Variants in POU6F2 observed in about 807,000 individuals in gnomAD.
POU6F2 encodes POU domain, class 6, transcription factor 2.
In POU6F2, 31 loss-of-function variants were observed where a neutral mutation model predicts 71.3. The ratio of observed to expected loss-of-function variants is 0.43; its 90% CI spans 0.33 to 0.59. The LOEUF (loss-of-function observed/expected upper bound fraction) is 0.59, where lower values mean the gene tolerates loss of function less well. POU6F2 is among the 20% of genes least tolerant of loss of function. The pLI, the probability that POU6F2 is intolerant of heterozygous loss-of-function variation, is 0.04. For synonymous variants in POU6F2, 347 were observed against 355.7 expected, an observed-to-expected ratio of 0.98 and a Z score of 0.27; for missense variants, 783 against 856.8, an observed-to-expected ratio of 0.91 and a Z score of 1.07.
intron 1 of POU6F2, among the ~76,000 whole-genome samples, chr7:39,068,507 A>AT: frequency 4.7e-5 from 7 of 149,086 alleles, no homozygotes; most frequent in African/African-American, 1.2e-4. Flanking sequence ...ATATATATAT[A>AT]ATTTTCATAA....
At chr7:39,215,120 C>T (rs1343921030) in intron 4 of POU6F2, among the ~76,000 whole-genome samples, 1 of 152,032 alleles carries the variant, frequency 6.6e-6, no homozygotes, top group Non-Finnish European at 1.5e-5. Context: ...TGAGGCAGGC[C>T]AATTACCTGA....
At position 39,456,162 on chromosome 7, in the gene POU6F2, G is replaced by T. The variant is rs1562559618; in HGVS notation, c.1490-4385G>T. Reference sequence around the variant, plus strand: ...CTGAGATTGGGTTTCCCTAGAGCTGGTTAAAAGTGCTGGATCCACCTTGTG... The same window carrying T: ...CTGAGATTGGGTTTCCCTAGAGCTGTTTAAAAGTGCTGGATCCACCTTGTG... On this transcript the variant is annotated intron_variant, in intron 8 of 9. Transcript: ENST00000518318. Among the ~76,000 whole-genome samples, 3 of 152,270 alleles carry T rather than the reference G, an allele frequency of 2.0e-5. No homozygotes were observed. The South Asian group carries it at 6.2e-4, about 32-fold the overall frequency.
At chr7:39,170,362 C>A (rs1241618839) in intron 2 of POU6F2, among the ~76,000 whole-genome samples, 2 of 152,068 alleles carry the variant, frequency 1.3e-5, no homozygotes, top group Non-Finnish European at 2.9e-5. Flanking sequence ...CCTTTGCAAA[C>A]TACATGCTGT....
At chr7:39,213,266 C>G (rs945686443) in intron 4 of POU6F2, among the ~76,000 whole-genome samples, 1 of 152,178 alleles carries the variant, frequency 6.6e-6, no homozygotes, top group African/African-American at 2.4e-5. Context: ...TCCCTTCACT[C>G]TAGCAGGAAA....
intron 5 of POU6F2, among the ~76,000 whole-genome samples, chr7:39,367,411 T>G (rs1786522879): frequency 6.6e-6 from 1 of 152,202 alleles, no homozygotes; most frequent in South Asian, 2.1e-4. Context: ...CAGGAAAACC[T>G]TGGCTATCCA....
chr7:39,016,559 C>T (rs370613587), intron 1 of POU6F2, among the ~76,000 whole-genome samples: 6 of 152,176 alleles, frequency 3.9e-5, no homozygotes, highest in African/African-American at 2.4e-5. Context: ...TAGCTCCCCC[C>T]CCGCTTACAG....
chr7:39,222,666 C>A (rs1424298203), intron 4 of POU6F2, among the ~76,000 whole-genome samples: 1 of 152,188 alleles, frequency 6.6e-6, no homozygotes. Flanking sequence ...TAGTATTCGT[C>A]CTTTTGTAAC....
intron 1 of POU6F2, among the ~76,000 whole-genome samples, chr7:39,021,478 A>G (rs1198662344): frequency 6.6e-6 from 1 of 152,050 alleles, no homozygotes; most frequent in Non-Finnish European, 1.5e-5. Context: ...GCCATATTTT[A>G]TTGAAAGTAT....
At chr7:39,154,790 G>T (rs1342214020) in intron 2 of POU6F2, among the ~76,000 whole-genome samples, 2 of 152,068 alleles carry the variant, frequency 1.3e-5, no homozygotes. Context: ...GACTGCCCTG[G>T]CTCAAGGCAT....
chr7:38,989,676 G>C (rs938763574), intron 1 of POU6F2, among the ~76,000 whole-genome samples: 1 of 152,060 alleles, frequency 6.6e-6, no homozygotes, highest in Non-Finnish European at 1.5e-5. Flanking sequence ...GCATATGAGA[G>C]TTTACCTATT....
intron 5 of POU6F2, among the ~76,000 whole-genome samples, chr7:39,352,099 T>C (rs542840277): frequency 1.4e-3 from 206 of 152,344 alleles, no homozygotes; most frequent in African/African-American, 4.7e-3. Context: ...TCAGTAACTC[T>C]AAGCTTGGGG....
intron 2 of POU6F2, among the ~76,000 whole-genome samples, chr7:39,148,448 A>G (rs1056454296): frequency 6.6e-6 from 1 of 152,186 alleles, no homozygotes; most frequent in African/African-American, 2.4e-5. Flanking sequence ...CCCAGCATCT[A>G]TTCCTTGGGT....
intron 4 of POU6F2, among the ~76,000 whole-genome samples, chr7:39,295,259 C>G (rs916943459): frequency 1.3e-5 from 2 of 151,802 alleles, no homozygotes; most frequent in Non-Finnish European, 2.9e-5. Context: ...AAGCAACACA[C>G]GAAAATCAGT....
intron 9 of POU6F2, among the ~76,000 whole-genome samples, chr7:39,462,950 T>C (rs1788983624): frequency 6.6e-6 from 1 of 152,204 alleles, no homozygotes; most frequent in Non-Finnish European, 1.5e-5. Context: ...TTTCTGTCCT[T>C]TTGCAAGCAT....
At chr7:38,990,630 T>C (rs1346443376) in intron 1 of POU6F2, among the ~76,000 whole-genome samples, 1 of 152,168 alleles carries the variant, frequency 6.6e-6, no homozygotes, top group Non-Finnish European at 1.5e-5. Flanking sequence ...GAAGGGAACA[T>C]AATGCTTGGT....
At chr7:39,180,141 T>G (rs905611544) in intron 2 of POU6F2, among the ~76,000 whole-genome samples, 3 of 152,144 alleles carry the variant, frequency 2.0e-5, no homozygotes, top group Non-Finnish European at 2.9e-5. Flanking sequence ...TATTCCAATG[T>G]AGCAGTAACT....
At chr7:39,072,959 G>GA (rs1790914088) in intron 1 of POU6F2, among the ~76,000 whole-genome samples, 1 of 152,156 alleles carries the variant, frequency 6.6e-6, no homozygotes, top group East Asian at 1.9e-4. Context: ...TTATTACTGT[G>GA]AAAGTAGACA....
At chr7:39,107,337 G>A (rs1421664685) in intron 2 of POU6F2, among the ~76,000 whole-genome samples, 1 of 151,874 alleles carries the variant, frequency 6.6e-6, no homozygotes, top group East Asian at 1.9e-4. Flanking sequence ...TAGCCACTGT[G>A]CCCACCTTCT....
intron 1 of POU6F2, among the ~76,000 whole-genome samples, chr7:39,037,311 A>C (rs935173053): frequency 6.6e-6 from 1 of 151,980 alleles, no homozygotes; most frequent in African/African-American, 2.4e-5. Flanking sequence ...AAAATTGAGC[A>C]CATAAATTAA....
Sources: allele counts gnomAD v4.1 joint callset (sites outside exome capture counted in the v4.1 genomes callset), GRCh38; gene constraint gnomAD v4.1.1; transcripts MANE v1.5; gene names NCBI Gene and HGNC (gene_info 2026-07-23, HGNC 2026-07-21).